The following COL22A1 variants were observed in gnomAD, a reference collection of about 807,000 sequenced individuals.
COL22A1 encodes collagen type XXII alpha 1 chain.
A neutral mutation model predicts 248.9 loss-of-function variants in COL22A1; 221 were observed. The observed-to-expected ratio is 0.89, with a 90% confidence interval of 0.80 to 0.99. The LOEUF is 0.99. Ranked by LOEUF, COL22A1 falls within the 50% of genes least tolerant of loss-of-function variation. The pLI is 0.00. For synonymous variants in COL22A1, 891 were observed against 793.4 expected (o/e 1.12, Z -2.07); for missense variants, 2,240 against 2,179.0 (o/e 1.03, Z -0.56).
chr8:138,782,254 T>C (rs1815079533), intron 12 of COL22A1, among the ~76,000 whole-genome samples: 1 of 152,024 alleles, frequency 6.6e-6, no homozygotes, highest in Non-Finnish European at 1.5e-5. Flanking sequence ...GGTCTTGTTC[T>C]TTCACTCGAA....
At chr8:138,673,903 AG>A (rs1825272818) in intron 41 of COL22A1, among the ~76,000 whole-genome samples, 2 of 152,080 alleles carry the variant, frequency 1.3e-5, no homozygotes, top group Admixed American at 6.5e-5. Flanking sequence ...AACCAAACAC[AG>A]GCAGGAGGTG....
At chr8:138,802,156 G>C (rs919858982) in intron 11 of COL22A1, among the ~76,000 whole-genome samples, 1 of 152,042 alleles carries the variant, frequency 6.6e-6, no homozygotes. Flanking sequence ...GAAAACTAAG[G>C]ATAGAAAGGT....
chr8:138,737,865 TCTC>T (rs992448655), intron 22 of COL22A1, among the ~76,000 whole-genome samples: 5 of 151,750 alleles, frequency 3.3e-5, no homozygotes, highest in African/African-American at 1.2e-4. Context: ...CCAAGAAAAG[TCTC>T]CTTTTAATCC....
At chr8:138,841,885 C>G (rs1820910925) in intron 4 of COL22A1, among the ~76,000 whole-genome samples, 1 of 152,160 alleles carries the variant, frequency 6.6e-6, no homozygotes, top group African/African-American at 2.4e-5. Flanking sequence ...TGGGGAAGAG[C>G]TCTGAATATT....
intron 49 of COL22A1, among the ~76,000 whole-genome samples, chr8:138,633,649 T>A (rs4909813): frequency 0.88 from 134,599 of 152,284 alleles, 60,901 homozygotes; most frequent in East Asian, 1. Flanking sequence ...TACCTCTCAA[T>A]TGCCCCTCTT....
At chr8:138,699,515 A>G (rs151269494) in intron 32 of COL22A1, among the ~76,000 whole-genome samples, 77 of 152,308 alleles carry the variant, frequency 5.1e-4, no homozygotes, top group Non-Finnish European at 8.2e-4. Context: ...GAAAACACCT[A>G]TTTTCTGAAG....
At chr8:138,748,290 C>CTGAGCTCCTTAGCCGACCTG (rs1262255022) in intron 22 of COL22A1, among the ~76,000 whole-genome samples, 1 of 152,206 alleles carries the variant, frequency 6.6e-6, no homozygotes, top group African/African-American at 2.4e-5. Context: ...TTTATATGCA[C>CTGAGCTCCTTAGCCGACCTG]TGAGCTCCTT....
At chr8:138,778,697 G>A (rs558234140) in intron 14 of COL22A1, among the ~76,000 whole-genome samples, 56 of 152,342 alleles carry the variant, frequency 3.7e-4, no homozygotes, top group African/African-American at 1.1e-3. Flanking sequence ...CCACCAGGAG[G>A]CCAGATGCTA....
chr8:138,597,073 CCA>C (rs1817604915), intron 61 of COL22A1, 103 bp from the exon 62 acceptor site: 1 of 847,396 alleles, frequency 1.2e-6, no homozygotes, highest in Non-Finnish European at 2.0e-6. Context: ...TGGTATATAC[CCA>C]CACAGGGAAG....
intron 31 of COL22A1, among the ~76,000 whole-genome samples, chr8:138,703,005 C>A (rs1049091393): frequency 1.3e-5 from 2 of 152,214 alleles, no homozygotes; most frequent in Non-Finnish European, 2.9e-5. Context: ...TTACGCTGGG[C>A]AAACTGCTTC....
At chr8:138,775,451 C>A (rs755003275) in intron 16 of COL22A1, among the ~76,000 whole-genome samples, 101 of 152,328 alleles carry the variant, frequency 6.6e-4, no homozygotes, top group Middle Eastern at 3.4e-3. Flanking sequence ...GGTTGCATGG[C>A]AATCTACATT....
chr8:138,691,059 A>G (rs1353359364), intron 35 of COL22A1, among the ~76,000 whole-genome samples, 185 bp from the exon 36 acceptor site: 1 of 152,198 alleles, frequency 6.6e-6, no homozygotes, highest in African/African-American at 2.4e-5. Flanking sequence ...ACCAAGCCTC[A>G]GGTGAGTGGG....
At chr8:138,609,758 A>G (rs1231571521) in intron 56 of COL22A1, among the ~76,000 whole-genome samples, 1 of 152,172 alleles carries the variant, frequency 6.6e-6, no homozygotes, top group African/African-American at 2.4e-5. Flanking sequence ...GCCAAGACAC[A>G]GTAGCATACG....
At chr8:138,653,630 C>G (rs940421802) in intron 45 of COL22A1, among the ~76,000 whole-genome samples, 4 of 152,116 alleles carry the variant, frequency 2.6e-5, no homozygotes, top group Non-Finnish European at 5.9e-5. Flanking sequence ...TATGGACATT[C>G]ATTTAACAGG....
chr8:138,910,895 C>T (rs1304458193), intron 1 of COL22A1, among the ~76,000 whole-genome samples: 1 of 152,172 alleles, frequency 6.6e-6, no homozygotes, highest in Non-Finnish European at 1.5e-5. Context: ...AGTCCATGGT[C>T]CTGGCCCATA....
intron 5 of COL22A1, among the ~76,000 whole-genome samples, chr8:138,830,647 G>A (rs551368159): frequency 2.6e-4 from 39 of 152,200 alleles, no homozygotes; most frequent in Non-Finnish European, 4.4e-4. Flanking sequence ...GAATTCGGCC[G>A]CTTTGCTCTT....
intron 1 of COL22A1, among the ~76,000 whole-genome samples, chr8:138,910,562 T>C (rs755409690): frequency 3.3e-5 from 5 of 152,160 alleles, no homozygotes; most frequent in Non-Finnish European, 7.4e-5. Context: ...TACTAGGGCT[T>C]GGTCTTCCTC....
chr8:138,794,612 A>G (rs995717035), intron 12 of COL22A1, among the ~76,000 whole-genome samples: 1 of 152,232 alleles, frequency 6.6e-6, no homozygotes, highest in Admixed American at 6.5e-5. Context: ...TAGCCACGAT[A>G]TGGAAACAAC....
chr8:138,635,356 T>A (rs1821058814), intron 48 of COL22A1, among the ~76,000 whole-genome samples: 1 of 152,162 alleles, frequency 6.6e-6, no homozygotes, highest in Non-Finnish European at 1.5e-5. Context: ...CCATAATAAT[T>A]GAAAGCTGTT....
Sources: gnomAD v4.1 joint callset for allele counts (sites outside exome capture counted in the v4.1 genomes callset) on GRCh38, gnomAD v4.1.1 for gene constraint, MANE v1.5 for transcripts, NCBI Gene and HGNC (gene_info 2026-07-23, HGNC 2026-07-21) for gene names.